Variants in GTF2IRD1 observed in about 807,000 individuals in gnomAD.
The protein encoded by GTF2IRD1 is general transcription factor II-I repeat domain-containing protein 1.
In GTF2IRD1, 26 loss-of-function variants were observed where a neutral mutation model predicts 113.2. That is an observed-to-expected ratio of 0.23 (90% confidence interval 0.17 to 0.32). GTF2IRD1 has a LOEUF of 0.32. GTF2IRD1 is among the 10% of genes least tolerant of loss of function. The probability of loss-of-function intolerance (pLI) is 1.00; values close to 1 mark genes in which losing one functional copy is unlikely to be tolerated. For synonymous variants in GTF2IRD1, 484 were observed against 529.1 expected, an observed-to-expected ratio of 0.91 and a Z score of 1.17; for missense variants, 864 against 1,280.8, an observed-to-expected ratio of 0.67 and a Z score of 4.97.
In GTF2IRD1 at chr7:74,544,874, C is replaced by T. The variant is rs184023592; in HGVS notation, c.1666+72C>T. On this transcript the variant is annotated intron_variant, in intron 15 of 26. Transcript: ENST00000424337. The stretch of plus-strand genomic sequence containing the variant: ...TCTCTCTTCCCCTGCCGCCCACCTC[C>T]CCTTGGCCTCTGGGTCTCTTCGTTC... 3,436 of 1,247,622 alleles carry T rather than the reference C, an allele frequency of 2.8e-3. 9 individuals are homozygous for T. The highest frequency in any genetic ancestry group is 3.7e-3 in the Non-Finnish European group (3,214 of 865,604). 77.3% of individuals were successfully genotyped at this position (1,247,622 alleles called of 1,614,324 possible). A position where few individuals can be genotyped will look rare whatever the true frequency, so the allele number is the denominator to read the frequency against.
chr7:74,528,810 GA>G (rs1797769467), intron 8 of GTF2IRD1, among the ~76,000 whole-genome samples: 1 of 146,696 alleles, frequency 6.8e-6, no homozygotes, highest in African/African-American at 2.6e-5. Flanking sequence ...TGGGTGGATG[GA>G]TGGATGGATG....
At chr7:74,582,121 C>T (rs868971898) in intron 22 of GTF2IRD1, among the ~76,000 whole-genome samples, 9 of 152,212 alleles carry the variant, frequency 5.9e-5, no homozygotes, top group Admixed American at 3.3e-4. Context: ...TCGGTTGCAG[C>T]GGGGGCCACG....
chr7:74,555,286 C>A lies in GTF2IRD1; in HGVS notation c.1966+63C>A. On this transcript the variant is annotated intron_variant, in intron 18 of 26. Coordinates refer to ENST00000424337, the MANE Select transcript of GTF2IRD1 (RefSeq NM_005685.4). The surrounding 1 kb of genome is among the most constrained non-coding windows in gnomAD (Gnocchi z 5.3). ...GCAAGGGAGGGCCCCAGGCCTCTGC[C>A]ACCAGCCCCTCCTCCTGCTGCCTCT... 6.6e-7 allele frequency: 1 copy of A among 1,524,724 alleles called. No individual in the cohort carries two copies. The allele number at this position is 1,524,724 out of a possible 1,614,324, so 94.4% of individuals were successfully genotyped here.
intron 24 of GTF2IRD1, among the ~76,000 whole-genome samples, chr7:74,593,776 T>C (rs1444365233): frequency 3.3e-5 from 5 of 149,278 alleles, no homozygotes; most frequent in African/African-American, 1.2e-4. Context: ...TGGTGGCATG[T>C]GCCTGTAGTC....
rs782000084 is a variant in GTF2IRD1 at position 74,536,235 on chromosome 7, G to T, written c.1369G>T (p.Val457Phe). The change falls in exon 11 of 27, where the codon GTC (valine) becomes TTC (phenylalanine). Residue 457 changes from valine to phenylalanine, a missense_variant. By Grantham distance (50) the Val-to-Phe change is conservative. Coordinates refer to ENST00000424337, the MANE Select transcript of GTF2IRD1 (RefSeq NM_005685.4). ...ASPPEDTSAE[V>F]SRATVLDLAG... Reference sequence around the variant, plus strand: ...CCCGCCAGAGGACACCTCTGCAGAGGTCTCTAGGGCCACCGTCCTTGACCT... The same window carrying T: ...CCCGCCAGAGGACACCTCTGCAGAGTTCTCTAGGGCCACCGTCCTTGACCT... The T allele has an allele frequency of 8.7e-6, 14 of 1,613,296 alleles. No homozygotes were observed. The highest frequency in any genetic ancestry group is 1.2e-5 in the Non-Finnish European group (14 of 1,179,308).
At chr7:74,556,790 A>ATTTTTT (rs587648610) in intron 19 of GTF2IRD1, among the ~76,000 whole-genome samples, 37 of 132,838 alleles carry the variant, frequency 2.8e-4, no homozygotes, top group East Asian at 4.1e-4. Context: ...TGCCTGGCTA[A>ATTTTTT]TTTTTGTATT....
intron 22 of GTF2IRD1, among the ~76,000 whole-genome samples, chr7:74,578,718 G>A (rs1385657427): frequency 1.1e-4 from 16 of 152,124 alleles, no homozygotes; most frequent in Non-Finnish European, 2.1e-4. Context: ...ACTTATAGCC[G>A]GGCACGATGG....
At chr7:74,467,219 G>C (rs1363728754) in intron 1 of GTF2IRD1, among the ~76,000 whole-genome samples, 1 of 152,078 alleles carries the variant, frequency 6.6e-6, no homozygotes, top group Non-Finnish European at 1.5e-5. Flanking sequence ...AAAATGCTGG[G>C]ATTACAGGGG....
intron 1 of GTF2IRD1, among the ~76,000 whole-genome samples, chr7:74,496,062 ATGTG>A (rs1795645913): frequency 6.6e-6 from 1 of 150,568 alleles, no homozygotes; most frequent in Non-Finnish European, 1.5e-5. Context: ...ATGTGTCTGT[ATGTG>A]TGGACATGCA....
intron 1 of GTF2IRD1, among the ~76,000 whole-genome samples, chr7:74,460,935 C>A (rs1255665301): frequency 6.6e-6 from 1 of 151,908 alleles, no homozygotes; most frequent in African/African-American, 2.4e-5. Flanking sequence ...CCACCTGAGG[C>A]AGGTTCCCAG....
chr7:74,502,248 A>G (rs1796072644), intron 1 of GTF2IRD1, among the ~76,000 whole-genome samples: 1 of 152,018 alleles, frequency 6.6e-6, no homozygotes, highest in South Asian at 2.1e-4. Context: ...CAGAAAGGGG[A>G]GTTTATTTAA....
intron 15 of GTF2IRD1, among the ~76,000 whole-genome samples, chr7:74,545,182 C>T (rs1260529522): frequency 1.3e-5 from 2 of 152,028 alleles, no homozygotes; most frequent in Non-Finnish European, 2.9e-5. Flanking sequence ...GCAGACACGC[C>T]CATTCTCAGG....
intron 17 of GTF2IRD1, among the ~76,000 whole-genome samples, chr7:74,553,827 C>G (rs1799451284): frequency 6.6e-6 from 1 of 152,300 alleles, no homozygotes; most frequent in South Asian, 2.1e-4. Flanking sequence ...TGGGAAGTCA[C>G]TTCCCCTTTC....
At chr7:74,499,798 G>A (rs538086711) in intron 1 of GTF2IRD1, among the ~76,000 whole-genome samples, 1 of 152,184 alleles carries the variant, frequency 6.6e-6, no homozygotes, top group South Asian at 2.1e-4. Flanking sequence ...ATGAGTGAGT[G>A]AATGAATGCA....
At chr7:74,571,475 C>T (rs1485192915) in intron 22 of GTF2IRD1, among the ~76,000 whole-genome samples, 2 of 152,218 alleles carry the variant, frequency 1.3e-5, no homozygotes, top group Non-Finnish European at 2.9e-5. Context: ...CGGGGCCAAG[C>T]TCTTGGTGGG....
At chr7:74,480,464 C>G (rs1163309387) in intron 1 of GTF2IRD1, among the ~76,000 whole-genome samples, 1 of 152,228 alleles carries the variant, frequency 6.6e-6, no homozygotes, top group Non-Finnish European at 1.5e-5. Flanking sequence ...TGCAGGGAGC[C>G]GTGGCCCTGC....
intron 22 of GTF2IRD1, among the ~76,000 whole-genome samples, chr7:74,574,875 G>A (rs1800932656): frequency 6.6e-6 from 1 of 151,682 alleles, no homozygotes; most frequent in South Asian, 2.1e-4. Context: ...GATCACCTAA[G>A]GTCAGGAGTT....
chr7:74,543,601 G>A (rs1374547973), intron 14 of GTF2IRD1, among the ~76,000 whole-genome samples: 2 of 152,162 alleles, frequency 1.3e-5, no homozygotes. Flanking sequence ...AAATGATACA[G>A]AACTGTGTAA....
At chr7:74,457,338 A>G (rs1323616194) in intron 1 of GTF2IRD1, among the ~76,000 whole-genome samples, 1 of 152,198 alleles carries the variant, frequency 6.6e-6, no homozygotes. Context: ...TCAGATGTTT[A>G]CATCTCTCTC....
Sources: allele counts gnomAD v4.1 joint callset (sites outside exome capture counted in the v4.1 genomes callset), GRCh38; gene constraint gnomAD v4.1.1; non-coding constraint Gnocchi (gnomAD v3.1); transcripts MANE v1.5; gene names NCBI Gene and HGNC (gene_info 2026-07-23, HGNC 2026-07-21).